UTRN: variants seen among roughly 807,000 people sequenced by gnomAD.
UTRN encodes utrophin, also known as dystrophin-related protein 1.
Under a neutral mutation model 463.9 loss-of-function variants are expected in UTRN, and 283 were observed. The observed-to-expected ratio is 0.61, with a 90% CI of 0.55 to 0.67. The LOEUF (loss-of-function observed/expected upper bound fraction) is 0.67, where lower values mean the gene tolerates loss of function less well. Among genes scored for constraint, UTRN ranks in the 30% least tolerant of loss-of-function variants. UTRN has a pLI of 0.00. For synonymous variants in UTRN, 1,442 were observed against 1,431.5 expected (o/e 1.01, Z -0.17); for missense variants, 3,922 against 4,084.3 (o/e 0.96, Z 1.08).
intron 47 of UTRN, among the ~76,000 whole-genome samples, chr6:144,550,441 A>G (rs1562560503): frequency 6.6e-6 from 1 of 152,148 alleles, no homozygotes; most frequent in East Asian, 1.9e-4. Context: ...TCCCATATTT[A>G]TTAGCACTGA....
chr6:144,680,659 A>C (rs1044388313), intron 52 of UTRN, among the ~76,000 whole-genome samples: 3 of 151,578 alleles, frequency 2.0e-5, no homozygotes, highest in African/African-American at 7.2e-5. Flanking sequence ...AGATTAAGGT[A>C]GGGCCCAAAG....
In UTRN at chr6:144,426,373, C is replaced by T. The variant is rs1242587897; in HGVS notation, c.492C>T (p.Thr164=). The part of the protein sequence containing the change: ...KILLSWVRQT[T]RPYSQVNVLN... The stretch of plus-strand genomic sequence containing the variant: ...TGCTCAGCTGGGTGCGTCAGACCAC[C>T]AGGCCCTACAGCCAAGTCAACGTCC... Residue 164 remains threonine (T), a synonymous_variant, in exon 7 of 75, where the codon ACC becomes ACT. Coordinates refer to ENST00000367545, the MANE Select transcript of UTRN (RefSeq NM_007124.3). 4 of 1,614,066 alleles carry T rather than the reference C, an allele frequency of 2.5e-6. No homozygotes were observed. Among genetic ancestry groups the T allele is most frequent in the East Asian group, 4.5e-5 (2 of 44,894 alleles).
intron 51 of UTRN, among the ~76,000 whole-genome samples, chr6:144,629,297 A>G (rs1776270347): frequency 6.6e-6 from 1 of 151,886 alleles, no homozygotes; most frequent in Non-Finnish European, 1.5e-5. Flanking sequence ...ATGACGCATC[A>G]TGACCATAGA....
In UTRN at chr6:144,515,478, GT is replaced by G. The variant is rs980990106; in HGVS notation, c.5244+669del. ...TCACATTGCACACACCACAGAACTTGTTTTTTTTTTTGTTTTATATGACGAC... is the reference window on the plus strand; with the variant it reads ...TCACATTGCACACACCACAGAACTTGTTTTTTTTTTGTTTTATATGACGAC... On this transcript the variant is annotated intron_variant, in intron 37 of 74. Coordinates refer to ENST00000367545, the MANE Select transcript of UTRN (RefSeq NM_007124.3). Among the ~76,000 whole-genome samples, 59 of 144,780 alleles carry G rather than the reference GT, an allele frequency of 4.1e-4. No individual in the cohort carries two copies. The East Asian group carries it at 4.2e-3, about 10-fold the overall frequency. The allele number at this position is 144,780 out of a possible 152,430, so 95.0% of individuals were successfully genotyped here. A position where few individuals can be genotyped will look rare whatever the true frequency, so the allele number is the denominator to read the frequency against.
chr6:144,329,846 A>G (rs73591120), intron 2 of UTRN, among the ~76,000 whole-genome samples: 9,220 of 152,266 alleles, frequency 0.061, 906 homozygotes, highest in African/African-American at 0.21. Context: ...GTTTCAAAAG[A>G]GACAACAATT....
At chr6:144,346,001 A>T (rs1027819389) in intron 2 of UTRN, among the ~76,000 whole-genome samples, 1 of 151,864 alleles carries the variant, frequency 6.6e-6, no homozygotes, top group Non-Finnish European at 1.5e-5. Flanking sequence ...AACATGGTAA[A>T]ACCTTGTCTC....
At position 144,285,701 on chromosome 6, in the gene UTRN, C is replaced by T. The variant is rs2114495614; in HGVS notation, c.-213C>T. On this transcript the variant is annotated 5_prime_UTR_variant, in exon 1 of 75. Coordinates refer to ENST00000367545, the MANE Select transcript of UTRN (RefSeq NM_007124.3). The stretch of plus-strand genomic sequence containing the variant: ...ATTTTTTTTTTTAAATACATCGCAC[C>T]ACCAAACTAACACTCGCACACACCC... 1 of 152,114 alleles carries T rather than the reference C, an allele frequency of 6.6e-6. No homozygotes were observed. Among genetic ancestry groups the T allele is most frequent in the East Asian group, 1.9e-4 (1 of 5,172 alleles). The allele number at this position is 152,114 out of a possible 1,614,324, so 9.4% of individuals were successfully genotyped here. A position where few individuals can be genotyped will look rare whatever the true frequency, so the allele number is the denominator to read the frequency against.
chr6:144,404,790 A>G (rs968301320), intron 3 of UTRN, among the ~76,000 whole-genome samples: 4 of 152,202 alleles, frequency 2.6e-5, no homozygotes, highest in Admixed American at 2.6e-4. Context: ...GAGAGATGAC[A>G]ACTGAGACAG....
intron 1 of UTRN, among the ~76,000 whole-genome samples, chr6:144,289,945 T>C (rs1804057660): frequency 6.6e-6 from 1 of 151,534 alleles, no homozygotes; most frequent in South Asian, 2.1e-4. Flanking sequence ...TGAGCCACCT[T>C]GCCCGGCCTA....
At chr6:144,708,013 A>G (rs144104514) in intron 53 of UTRN, 1 of 180,068 alleles carries the variant, frequency 5.6e-6, no homozygotes, top group African/African-American at 2.4e-5. Flanking sequence ...TTCTTGGTCA[A>G]TTTTCATTAA....
intron 51 of UTRN, among the ~76,000 whole-genome samples, chr6:144,618,436 A>G (rs370883527): frequency 1.1e-4 from 16 of 152,268 alleles, no homozygotes; most frequent in South Asian, 1.0e-3. Context: ...TTAGCTTGAC[A>G]TTTGAATTTA....
rs116038779 is a variant in UTRN at position 144,482,212 on chromosome 6, G to A, written c.3511G>A (p.Ala1171Thr). 2.7e-5 allele frequency: 40 copies of A among 1,482,238 alleles called. No individual in the cohort carries two copies. The East Asian group carries it at 6.0e-4, about 22-fold the overall frequency. 91.8% of individuals were successfully genotyped at this position (1,482,238 alleles called of 1,614,324 possible). A position where few individuals can be genotyped will look rare whatever the true frequency, so the allele number is the denominator to read the frequency against. Residue 1171 changes from alanine (A) to threonine (T), a missense_variant, in exon 27 of 75, where the codon GCA (alanine) becomes ACA (threonine). This residue lies in a region of UTRN where 2,349 missense variants were observed against 2,303.8 expected (regional missense o/e 1.02). Transcript: ENST00000367545. The part of the protein sequence containing the change: ...LESAVEEMKR[A>T]KEDVLQKEVR... ...CATCCATCCTTTCTTGGAACAGAGGGCAAAAGAGGATGTGTTGCAGAAGGA... is the reference window on the plus strand; with the variant it reads ...CATCCATCCTTTCTTGGAACAGAGGACAAAAGAGGATGTGTTGCAGAAGGA...
At chr6:144,454,861 T>C (rs1052015379) in intron 19 of UTRN, among the ~76,000 whole-genome samples, 2 of 152,192 alleles carry the variant, frequency 1.3e-5, no homozygotes, top group Non-Finnish European at 2.9e-5. Context: ...CTGTGCTGTT[T>C]TGACAAATAG....
intron 64 of UTRN, among the ~76,000 whole-genome samples, chr6:144,798,844 C>T (rs997813927): frequency 3.3e-5 from 5 of 152,246 alleles, no homozygotes; most frequent in East Asian, 1.9e-4. Context: ...CAAGTTCACG[C>T]GATTCCCCTG....
chr6:144,337,742 A>G (rs1776845492), intron 2 of UTRN, among the ~76,000 whole-genome samples: 2 of 152,026 alleles, frequency 1.3e-5, no homozygotes, highest in Non-Finnish European at 2.9e-5. Flanking sequence ...ACCCTCCTGA[A>G]TAGCTGGGAT....
At chr6:144,628,162 T>C (rs1293987005) in intron 51 of UTRN, among the ~76,000 whole-genome samples, 1 of 152,190 alleles carries the variant, frequency 6.6e-6, no homozygotes, top group Non-Finnish European at 1.5e-5. Context: ...CTCTTTATCA[T>C]CTATGGGTAC....
intron 58 of UTRN, among the ~76,000 whole-genome samples, chr6:144,765,866 T>G (rs1468414870): frequency 2.0e-5 from 3 of 151,894 alleles, no homozygotes; most frequent in Admixed American, 6.6e-5. Flanking sequence ...TCATATATCT[T>G]ATTTGAATTT....
At chr6:144,791,724 G>A (rs985523083) in intron 62 of UTRN, among the ~76,000 whole-genome samples, 3 of 152,108 alleles carry the variant, frequency 2.0e-5, no homozygotes, top group Admixed American at 2.0e-4. Flanking sequence ...TTACTATAAT[G>A]TTGAGAATGT....
At chr6:144,754,164 GCTT>G (rs1381113833) in intron 56 of UTRN, among the ~76,000 whole-genome samples, 1 of 150,898 alleles carries the variant, frequency 6.6e-6, no homozygotes, top group African/African-American at 2.4e-5. Context: ...AGTTTCCTAG[GCTT>G]CTTTTTCATT....
Sources: gnomAD v4.1 joint callset for allele counts (sites outside exome capture counted in the v4.1 genomes callset) on GRCh38, gnomAD v4.1.1 for gene constraint, gnomAD v4.1.1 regional missense constraint, MANE v1.5 for transcripts, NCBI Gene and HGNC (gene_info 2026-07-23, HGNC 2026-07-21) for gene names.